TJP1: variants seen among roughly 807,000 people sequenced by gnomAD.
The protein encoded by TJP1 is tight junction protein 1, also known as tight junction protein ZO-1.
In TJP1, 43 loss-of-function variants were observed where a neutral mutation model predicts 194.2. That is an observed-to-expected ratio of 0.22 (90% CI 0.17 to 0.29). The LOEUF (loss-of-function observed/expected upper bound fraction) is 0.29. Ranked by LOEUF, TJP1 falls within the 10% of genes least tolerant of loss-of-function variation. The pLI is 1.00. For synonymous variants in TJP1, 801 were observed against 779.0 expected (o/e 1.03, Z -0.47); for missense variants, 1,971 against 2,185.7 (o/e 0.90, Z 1.96).
In TJP1 at chr15:29,777,047, G is replaced by A. The variant is rs1214347448; in HGVS notation, c.85-3690C>T. Among the ~76,000 whole-genome samples the A allele has an allele frequency of 2.0e-5, 3 of 151,870 alleles. No individual in the cohort carries two copies. In the East Asian group the frequency reaches 5.8e-4, roughly 29 times the overall value. On this transcript the variant is annotated intron_variant, in intron 2 of 27. Transcript: ENST00000614355. ...CTTCCACCCCCCCCACTCAATACAC[G>A]GCTGCAATTCAAATAATCACACAAG...
intron 8 of TJP1, among the ~76,000 whole-genome samples, chr15:29,743,212 AAAGT>A (rs2044541466): frequency 2.6e-5 from 4 of 152,328 alleles, no homozygotes; most frequent in South Asian, 2.1e-4. Flanking sequence ...GGAGTCTTCT[AAAGT>A]AAGACTCAAT....
At chr15:29,730,259 G>A (rs1209464795) in intron 15 of TJP1, among the ~76,000 whole-genome samples, 1 of 151,962 alleles carries the variant, frequency 6.6e-6, no homozygotes, top group East Asian at 1.9e-4. Flanking sequence ...AACACAGAAT[G>A]GCACTTTTAT....
At chr15:29,909,953 TATCTC>T (rs2053963238) in intron 2 of TJP1, among the ~76,000 whole-genome samples, 1 of 152,184 alleles carries the variant, frequency 6.6e-6, no homozygotes, top group South Asian at 2.1e-4. Flanking sequence ...CTTCATCACT[TATCTC>T]AGTCTAAGCA....
Position 29,728,125 on chromosome 15 carries a change from G to T in TJP1, c.2018-106C>A, listed in dbSNP as rs749287628. On this transcript the variant is annotated intron_variant, in intron 15 of 27. Coordinates refer to ENST00000614355, the MANE Select transcript of TJP1 (RefSeq NM_001330239.4). ...GATATGCCGGACTGGATAGTACTTT[G>T]TTTGTGGAAACTGTCTTATGCATGC... 265 of 867,836 alleles carry T rather than the reference G, an allele frequency of 3.1e-4. 1 individual carries two copies. The highest frequency in any genetic ancestry group is 4.4e-4 in the Non-Finnish European group (237 of 536,476). The allele number at this position is 867,836 out of a possible 1,614,324, so 53.8% of individuals were successfully genotyped here.
chr15:29,777,075 C>G (rs957710194), intron 2 of TJP1, among the ~76,000 whole-genome samples: 1 of 152,076 alleles, frequency 6.6e-6, no homozygotes, highest in African/African-American at 2.4e-5. Flanking sequence ...CACACAAGTA[C>G]TTTAGTACAA....
At chr15:29,871,468 C>T (rs1596149898) in intron 2 of TJP1, among the ~76,000 whole-genome samples, 2 of 152,230 alleles carry the variant, frequency 1.3e-5, no homozygotes, top group Non-Finnish European at 2.9e-5. Context: ...GTAGGAGAAG[C>T]GAAGCCATTG....
intron 9 of TJP1, 48 bp downstream of exon 9, chr15:29,742,594 C>G (rs1463318785): frequency 6.7e-7 from 1 of 1,483,990 alleles, no homozygotes; most frequent in Non-Finnish European, 9.0e-7. Context: ...ACAATTACTT[C>G]ACTCTACTTG....
chr15:29,736,423 C>A (rs575437118), intron 11 of TJP1, among the ~76,000 whole-genome samples: 1 of 152,188 alleles, frequency 6.6e-6, no homozygotes, highest in Non-Finnish European at 1.5e-5. Flanking sequence ...TGGCAAGAGG[C>A]AGGCTGAGTA....
intron 2 of TJP1, among the ~76,000 whole-genome samples, chr15:29,866,925 C>A (rs2052325453): frequency 6.6e-6 from 1 of 152,176 alleles, no homozygotes; most frequent in African/African-American, 2.4e-5. Flanking sequence ...ACAAGAGCCA[C>A]CGTCACCCTG....
At chr15:29,872,643 G>A (rs900175693) in intron 2 of TJP1, among the ~76,000 whole-genome samples, 3 of 107,830 alleles carry the variant, frequency 2.8e-5, no homozygotes, top group African/African-American at 5.1e-5. Context: ...TAAGCGAAAC[G>A]ATGGAAAAAA....
At chr15:29,703,266 A>G (rs1234903146) in intron 27 of TJP1, among the ~76,000 whole-genome samples, 1 of 152,092 alleles carries the variant, frequency 6.6e-6, no homozygotes, top group Non-Finnish European at 1.5e-5. Context: ...CCTGGCCAAC[A>G]TGGTGAAACC....
In TJP1 at chr15:29,960,038, G is replaced by A. The variant is rs933843639; in HGVS notation, c.174-3674C>T. Among the ~76,000 whole-genome samples the A allele has an allele frequency of 5.9e-5, 9 of 152,092 alleles. No homozygotes were observed. The South Asian group carries it at 1.4e-3, about 25-fold the overall frequency. ...TTCTCTCTCACTTTATTTTGATAGC[G>A]CTGGTAGGTGTGATCATATTTTAGA... On this transcript the variant is annotated intron_variant, in intron 1 of 28. Transcript: ENST00000356107.
chr15:29,844,794 T>C (rs1276185715), intron 2 of TJP1, among the ~76,000 whole-genome samples: 3 of 151,946 alleles, frequency 2.0e-5, no homozygotes, highest in Non-Finnish European at 4.4e-5. Context: ...TAAGGAGAAA[T>C]ATTCAGGTTG....
intron 2 of TJP1, among the ~76,000 whole-genome samples, chr15:29,869,795 C>CTTTTTTTTTTT (rs11318770): frequency 1.2e-3 from 70 of 56,058 alleles, no homozygotes; most frequent in Non-Finnish European, 1.6e-3. Context: ...TTCTTTCTTT[C>CTTTTTTTTTTT]TTTTTTTTTT....
chr15:29,722,574 G>A (rs1416373419), intron 18 of TJP1, among the ~76,000 whole-genome samples: 1 of 152,214 alleles, frequency 6.6e-6, no homozygotes, highest in Non-Finnish European at 1.5e-5. Flanking sequence ...CCCTCATGGA[G>A]CACCTCCAGG....
chr15:29,819,831 C>T (rs2050202424), intron 1 of TJP1, among the ~76,000 whole-genome samples: 1 of 152,100 alleles, frequency 6.6e-6, no homozygotes, highest in Admixed American at 6.5e-5. Context: ...ATATTTATTT[C>T]TAGGTAGTCT....
intron 20 of TJP1, among the ~76,000 whole-genome samples, chr15:29,719,522 C>G (rs1025145829): frequency 1.3e-5 from 2 of 152,040 alleles, no homozygotes; most frequent in Non-Finnish European, 2.9e-5. Context: ...TTAAGGAATT[C>G]TGGAAGATAC....
intron 4 of TJP1, among the ~76,000 whole-genome samples, chr15:29,767,719 T>G (rs1168069024): frequency 1.3e-5 from 2 of 152,216 alleles, no homozygotes; most frequent in Non-Finnish European, 2.9e-5. Context: ...CTCAGCCTGC[T>G]TTAAGATCAG....
Position 29,822,463 on chromosome 15 carries a change from G to A in TJP1, c.-435C>T, listed in dbSNP as rs941918210. ...GCTCAGCCGGCGCCGGCAACTCAGC[G>A]GCCACGCAAACCTGCCGGCCCGGCC... On this transcript the variant is annotated 5_prime_UTR_variant, in exon 1 of 28. Transcript: ENST00000614355. 48 of 985,596 alleles carry A rather than the reference G, an allele frequency of 4.9e-5. No individual in the cohort carries two copies. The highest frequency in any genetic ancestry group is 4.6e-4 in the East Asian group (4 of 8,790). 61.1% of individuals were successfully genotyped at this position (985,596 alleles called of 1,614,324 possible).
Sources: gnomAD v4.1 joint callset for allele counts (sites outside exome capture counted in the v4.1 genomes callset) on GRCh38, gnomAD v4.1.1 for gene constraint, MANE v1.5 for transcripts, NCBI Gene and HGNC (gene_info 2026-07-23, HGNC 2026-07-21) for gene names.